Variants in IHO1 observed in about 807,000 individuals in gnomAD.
IHO1 encodes interactor of HORMAD1 protein 1.
Under a neutral mutation model 31.0 loss-of-function variants are expected in IHO1, and 13 were observed. That is an observed-to-expected ratio of 0.42 (90% CI 0.27 to 0.67). IHO1 has a LOEUF of 0.67. Among genes scored for constraint, IHO1 ranks in the 30% least tolerant of loss-of-function variants. The pLI is 0.24. For synonymous variants in IHO1, 221 were observed against 248.4 expected (o/e 0.89, Z 1.04); for missense variants, 599 against 687.5 (o/e 0.87, Z 1.44).
chr3:49,204,695 G>A (rs1164818359), intron 1 of IHO1, among the ~76,000 whole-genome samples: 1 of 152,144 alleles, frequency 6.6e-6, no homozygotes, highest in African/African-American at 2.4e-5. Context: ...TTTGGAGCAA[G>A]TCTACAGAGT....
chr3:49,242,598 A>G (rs2046644073), intron 4 of IHO1, among the ~76,000 whole-genome samples: 2 of 152,128 alleles, frequency 1.3e-5, no homozygotes, highest in Admixed American at 1.3e-4. Flanking sequence ...TTTTCTTTTC[A>G]GATCATCAGG....
intron 1 of IHO1, among the ~76,000 whole-genome samples, chr3:49,205,984 G>A (rs1396932478): frequency 6.7e-6 from 1 of 150,296 alleles, no homozygotes; most frequent in East Asian, 1.9e-4. Context: ...TTCTTTTTGA[G>A]ACGGAGTCTC....
chr3:49,236,790 T>G, intron 3 of IHO1, 68 bp downstream of exon 3: 1 of 1,469,886 alleles, frequency 6.8e-7, no homozygotes, highest in Non-Finnish European at 9.2e-7. Context: ...CTATAAAGAA[T>G]ACTTATTCTG....
chr3:49,215,698 T>C (rs904661898), intron 2 of IHO1, among the ~76,000 whole-genome samples: 1 of 152,072 alleles, frequency 6.6e-6, no homozygotes, highest in African/African-American at 2.4e-5. Flanking sequence ...TGACTAAAAT[T>C]AAGGGTTTAT....
At chr3:49,207,946 G>T (rs968946868) in intron 1 of IHO1, among the ~76,000 whole-genome samples, 5 of 151,874 alleles carry the variant, frequency 3.3e-5, no homozygotes, top group Non-Finnish European at 5.9e-5. Flanking sequence ...GCTAATTTTT[G>T]TATTTTTAGT....
chr3:49,217,019 G>A (rs2046295222), intron 2 of IHO1, among the ~76,000 whole-genome samples: 2 of 152,210 alleles, frequency 1.3e-5, no homozygotes, highest in African/African-American at 4.8e-5. Flanking sequence ...GGAGAAATAG[G>A]AACACTTTTA....
chr3:49,202,129 C>T (rs1047938472), intron 1 of IHO1, among the ~76,000 whole-genome samples: 4 of 151,950 alleles, frequency 2.6e-5, no homozygotes, highest in African/African-American at 9.7e-5. Flanking sequence ...CTTAATATTA[C>T]ATTCTAGTAA....
At chr3:49,193,122 G>A in the IHO1 span, among the ~76,000 whole-genome samples, 1 of 152,180 alleles carries the variant, frequency 6.6e-6, no homozygotes, top group East Asian at 1.9e-4. Context: ...TGTAATCCCA[G>A]CACTTTGGGA....
At chr3:49,205,636 C>G (rs1410881364) in intron 1 of IHO1, among the ~76,000 whole-genome samples, 1 of 151,704 alleles carries the variant, frequency 6.6e-6, no homozygotes, top group Non-Finnish European at 1.5e-5. Context: ...CTCTGTTACC[C>G]AGGCTGGAGT....
chr3:49,222,345 TA>T (rs2046364063), intron 2 of IHO1, among the ~76,000 whole-genome samples: 1 of 151,874 alleles, frequency 6.6e-6, no homozygotes, highest in Admixed American at 6.6e-5. Context: ...AATTAGGAGC[TA>T]GGGGAAGGGG....
At chr3:49,217,517 T>G (rs867260759) in intron 2 of IHO1, among the ~76,000 whole-genome samples, 4 of 149,272 alleles carry the variant, frequency 2.7e-5, no homozygotes, top group Non-Finnish European at 4.4e-5. Flanking sequence ...GGGGGAGGGA[T>G]AGCATTAGGA....
Position 49,223,463 on chromosome 3 carries a change from G to A in IHO1, c.56+11627G>A, listed in dbSNP as rs542475569. Reference sequence around the variant, plus strand: ...TCCCAGCACTTTGGGAGACCGAGGCGGGCGGATCACGAGGTCAGGAGATTG... The same window carrying A: ...TCCCAGCACTTTGGGAGACCGAGGCAGGCGGATCACGAGGTCAGGAGATTG... On this transcript the variant is annotated intron_variant, in intron 2 of 7. Transcript: ENST00000452691. Among the ~76,000 whole-genome samples the A allele has an allele frequency of 1.3e-4, 20 of 152,184 alleles. No homozygotes were observed. The East Asian group carries it at 1.7e-3, about 13-fold the overall frequency.
chr3:49,200,557 C>A lies in IHO1; in HGVS notation c.-16+984C>A. On this transcript the variant is annotated intron_variant, in intron 1 of 7. Transcript: ENST00000452691. Reference sequence around the variant, plus strand: ...TCGCAGTAGAGTTGACGACGGTGGTCAGATGAGGTAGTCCATGCCAATCGG... The same window carrying A: ...TCGCAGTAGAGTTGACGACGGTGGTAAGATGAGGTAGTCCATGCCAATCGG... 2 of 977,978 alleles carry A rather than the reference C, an allele frequency of 2.0e-6. 1 individual carries two copies. The highest frequency in any genetic ancestry group is 1.3e-4 in the Admixed American group (2 of 15,944). 60.6% of individuals were successfully genotyped at this position (977,978 alleles called of 1,614,324 possible). A position where few individuals can be genotyped will look rare whatever the true frequency, so the allele number is the denominator to read the frequency against.
chr3:49,243,341 C>T (rs1313992280), intron 4 of IHO1, among the ~76,000 whole-genome samples: 1 of 151,730 alleles, frequency 6.6e-6, no homozygotes, highest in Admixed American at 6.6e-5. Context: ...GACGGGGTTT[C>T]AGCATGTTGG....
At chr3:49,191,497 G>C in the IHO1 span, among the ~76,000 whole-genome samples, 2 of 152,170 alleles carry the variant, frequency 1.3e-5, no homozygotes, top group African/African-American at 2.4e-5. Flanking sequence ...TAAATGGGGT[G>C]GCTAGAGGAC....
At chr3:49,226,081 C>A (rs2046413569) in intron 2 of IHO1, among the ~76,000 whole-genome samples, 1 of 152,152 alleles carries the variant, frequency 6.6e-6, no homozygotes, top group South Asian at 2.1e-4. Context: ...AGTGTCCTTG[C>A]AAACCACACT....
chr3:49,236,832 T>G (rs968048979), intron 3 of IHO1, 110 bp downstream of exon 3: 30 of 1,040,164 alleles, frequency 2.9e-5, no homozygotes, highest in Non-Finnish European at 3.5e-5. Context: ...CTGTAATCCC[T>G]GCACTTGGGG....
intron 6 of IHO1, among the ~76,000 whole-genome samples, chr3:49,252,675 G>A (rs1215997374): frequency 6.6e-6 from 1 of 152,098 alleles, no homozygotes; most frequent in South Asian, 2.1e-4. Context: ...TCCCGCCTCA[G>A]TGGCTTCCCA....
chr3:49,223,385 A>T (rs966242347), intron 2 of IHO1, among the ~76,000 whole-genome samples: 3 of 152,212 alleles, frequency 2.0e-5, no homozygotes, highest in Non-Finnish European at 2.9e-5. Flanking sequence ...TCCCTGAGTT[A>T]TCATGGCTTT....
Sources: gnomAD v4.1 joint callset for allele counts (sites outside exome capture counted in the v4.1 genomes callset) on GRCh38, gnomAD v4.1.1 for gene constraint, MANE v1.5 for transcripts, NCBI Gene and HGNC (gene_info 2026-07-23, HGNC 2026-07-21) for gene names.